Variants in RPTOR observed in about 807,000 individuals in gnomAD.
The protein encoded by RPTOR is regulatory-associated protein of mTOR.
A neutral mutation model predicts 169.9 loss-of-function variants in RPTOR; 21 were observed. The ratio of observed to expected loss-of-function variants is 0.12; its 90% CI spans 0.09 to 0.18. RPTOR has a LOEUF of 0.18. Ranked by LOEUF, RPTOR falls within the 10% of genes least tolerant of loss-of-function variation. The pLI is 1.00. For synonymous variants in RPTOR, 732 were observed against 753.2 expected (o/e 0.97, Z 0.46); for missense variants, 1,133 against 1,855.9 (o/e 0.61, Z 7.16).
rs973632785 is a variant in RPTOR at position 80,844,276 on chromosome 17, T to C, written c.1213-2197T>C. 6.6e-6 allele frequency among the ~76,000 whole-genome samples: 1 copy of C among 152,188 alleles called. No individual in the cohort carries two copies. The highest frequency in any genetic ancestry group is 6.5e-5 in the Admixed American group (1 of 15,288). ...TCACCGCGCACCTGCCAGGCAAAGG[T>C]GTGCTTTTCCTTTTTTGTCAGTTTG... On this transcript the variant is annotated intron_variant, in intron 10 of 33. Transcript: ENST00000306801. The surrounding 1 kb of genome is among the most constrained non-coding windows in gnomAD (Gnocchi z 4.7).
chr17:80,844,624 C>T lies in RPTOR; in HGVS notation c.1213-1849C>T, dbSNP rs1460111604. Among the ~76,000 whole-genome samples, 1 of 152,240 alleles carries T rather than the reference C, an allele frequency of 6.6e-6. No homozygotes were observed. Among genetic ancestry groups the T allele is most frequent in the Non-Finnish European group, 1.5e-5 (1 of 68,040 alleles). On this transcript the variant is annotated intron_variant, in intron 10 of 33. Coordinates refer to ENST00000306801, the MANE Select transcript of RPTOR (RefSeq NM_020761.3). This position sits in a 1 kb window ranked among gnomAD's most constrained non-coding sequence, Gnocchi z 4.7. ...CCAAGTGTGATTAACTTTCTGTAAG[C>T]TGGCTGCACAGGAGCACGGATTCCT... is the stretch of plus-strand genomic sequence containing the variant.
At chr17:80,904,091 G>A (rs8080103) in intron 20 of RPTOR, among the ~76,000 whole-genome samples, 1 of 152,246 alleles carries the variant, frequency 6.6e-6, no homozygotes. Flanking sequence ...CCCGGGAGGT[G>A]CTGCGTCTTC....
rs745993586 is a variant in RPTOR at position 80,937,057 on chromosome 17, TTTG to T, written c.2920-3435_2920-3433del. On this transcript the variant is annotated intron_variant, in intron 24 of 33. Coordinates refer to ENST00000306801, the MANE Select transcript of RPTOR (RefSeq NM_020761.3). ...TTATTGTTCAGTGGGGAGGGGATAG[TTTG>T]TTGCTAAACCGTGGGGAAAATAATA... is the stretch of plus-strand genomic sequence containing the variant. Among the ~76,000 whole-genome samples the T allele has an allele frequency of 1.8e-4, 27 of 152,302 alleles. 1 individual carries two copies. In the East Asian group the frequency reaches 3.3e-3, roughly 19 times the overall value.
intron 6 of RPTOR, among the ~76,000 whole-genome samples, chr17:80,763,203 G>A (rs565840774): frequency 5.9e-4 from 89 of 152,118 alleles, no homozygotes; most frequent in Middle Eastern, 3.4e-3. Context: ...CTGTGATTGT[G>A]CCACTGCACT....
At chr17:80,567,007 A>G (rs55889284) in intron 1 of RPTOR, among the ~76,000 whole-genome samples, 2 of 151,434 alleles carry the variant, frequency 1.3e-5, no homozygotes, top group South Asian at 2.1e-4. Context: ...GTCTCACTCC[A>G]TCACCCAGGC....
At position 80,713,705 on chromosome 17, in the gene RPTOR, T is replaced by C. The variant is rs2066216139; in HGVS notation, c.507+5706T>C. ...ATAGACTGCAAGATGAGGAGTATTA[T>C]TGATGATAAAGAGGGCCATTTCCTC... On this transcript the variant is annotated intron_variant, in intron 4 of 33. Transcript: ENST00000306801. 2.0e-5 allele frequency among the ~76,000 whole-genome samples: 3 copies of C among 152,176 alleles called. No individual in the cohort carries two copies. The South Asian group carries it at 6.2e-4, about 32-fold the overall frequency.
In RPTOR at chr17:80,623,577, C is replaced by T. The variant is rs56246235; in HGVS notation, c.163-2114C>T. Among the ~76,000 whole-genome samples, 365 of 151,830 alleles carry T rather than the reference C, an allele frequency of 2.4e-3. 1 individual carries two copies. The highest frequency in any genetic ancestry group is 4.1e-3 in the Non-Finnish European group (277 of 67,944). On this transcript the variant is annotated intron_variant, in intron 1 of 33. Coordinates refer to ENST00000306801, the MANE Select transcript of RPTOR (RefSeq NM_020761.3). ...TTGAGATGGAGTCTTGCTCTATTGC[C>T]CAGGTTGGAGTGCAGTGGTACCGTC...
chr17:80,625,389 G>A lies in RPTOR; in HGVS notation c.163-302G>A, dbSNP rs114762802. On this transcript the variant is annotated intron_variant, in intron 1 of 33. Coordinates refer to ENST00000306801, the MANE Select transcript of RPTOR (RefSeq NM_020761.3). ...CAGAATGTATTGAGTGCGTTAAAAT[G>A]TTTATATCTTTTGATCAAATAATTC... 2.8e-3 allele frequency among the ~76,000 whole-genome samples: 426 copies of A among 152,320 alleles called. 1 individual carries two copies. Among genetic ancestry groups the A allele is most frequent in the African/African-American group, 1.0e-2 (415 of 41,578 alleles).
intron 6 of RPTOR, among the ~76,000 whole-genome samples, chr17:80,786,489 G>C (rs932918093): frequency 1.3e-4 from 20 of 152,240 alleles, no homozygotes; most frequent in African/African-American, 4.8e-4. Flanking sequence ...GAATACAACA[G>C]AGTTTAATTG....
Position 80,866,592 on chromosome 17 carries a change from A to G in RPTOR, c.1509+8692A>G, listed in dbSNP as rs1025197024. ...GAAGACACAAATTCCAGCATCAGGA[A>G]TGATAGAGGTGACATCATGAAAGAT... On this transcript the variant is annotated intron_variant, in intron 13 of 33. Transcript: ENST00000306801. Among the ~76,000 whole-genome samples the G allele has an allele frequency of 7.2e-5, 11 of 152,264 alleles. No homozygotes were observed. In the South Asian group the frequency reaches 2.1e-3, roughly 29 times the overall value.
Position 80,707,971 on chromosome 17 carries a change from TC to T in RPTOR, c.480del (p.Asn161ThrfsTer41). The stretch of plus-strand genomic sequence containing the variant: ...GGCCACGGGGTGCCCCGGCCCACAG[TC>T]AACGGGGAGGTCTGGGTCTTCAACA... ...YNGHGVPRPT[V>X]NGEVWVFNKN... On this transcript the variant is annotated frameshift_variant, in exon 4 of 34. Coordinates refer to ENST00000306801, the MANE Select transcript of RPTOR (RefSeq NM_020761.3). LOFTEE classifies it high-confidence loss of function. This position sits in a 1 kb window ranked among gnomAD's most constrained non-coding sequence, Gnocchi z 5.0. The T allele has an allele frequency of 6.2e-7, 1 of 1,613,538 alleles. No individual in the cohort carries two copies.
Position 80,966,050 on chromosome 17 carries a change from G to T in RPTOR, c.*1720G>T, listed in dbSNP as rs377566201. 8.6e-6 allele frequency: 2 copies of T among 232,794 alleles called. No individual in the cohort carries two copies. Among genetic ancestry groups the T allele is most frequent in the Middle Eastern group, 1.3e-3 (1 of 784 alleles). 14.4% of individuals were successfully genotyped at this position (232,794 alleles called of 1,614,324 possible). A position where few individuals can be genotyped will look rare whatever the true frequency, so the allele number is the denominator to read the frequency against. On this transcript the variant is annotated 3_prime_UTR_variant, in exon 34 of 34. Coordinates refer to ENST00000306801, the MANE Select transcript of RPTOR (RefSeq NM_020761.3). ...CTTCAACTCAATTCTTACCCAACAC[G>T]CGTTTCTGTTTGTTTTGAGACAAAA...
chr17:80,768,339 G>T (rs1055623936), intron 6 of RPTOR, among the ~76,000 whole-genome samples: 4 of 152,328 alleles, frequency 2.6e-5, no homozygotes, highest in Non-Finnish European at 5.9e-5. Flanking sequence ...GAGTCCCAAA[G>T]ACTTTTGTGA....
intron 4 of RPTOR, among the ~76,000 whole-genome samples, chr17:80,723,808 G>A (rs1276818925): frequency 6.6e-6 from 1 of 151,418 alleles, no homozygotes; most frequent in Non-Finnish European, 1.5e-5. Context: ...TGACTAAACA[G>A]GAGGTAAGGG....
chr17:80,907,854 G>T (rs1463371006), intron 20 of RPTOR, among the ~76,000 whole-genome samples: 1 of 152,068 alleles, frequency 6.6e-6, no homozygotes, highest in Admixed American at 6.6e-5. Context: ...CAGCTCCTTC[G>T]TGCCTCTTCC....
chr17:80,865,585 T>A (rs560365369), intron 13 of RPTOR, among the ~76,000 whole-genome samples: 62 of 152,114 alleles, frequency 4.1e-4, no homozygotes, highest in Non-Finnish European at 7.2e-4. Flanking sequence ...GGAAGTCCAT[T>A]CATCATTCAT....
intron 15 of RPTOR, 78 bp from the exon 16 acceptor site, chr17:80,883,703 G>A (rs949134202): frequency 2.5e-5 from 37 of 1,491,312 alleles, no homozygotes; most frequent in Admixed American, 6.8e-5. Flanking sequence ...GGTGGCCACC[G>A]TTGTCCCGTG....
Position 80,665,110 on chromosome 17 carries a change from T to C in RPTOR, c.348+21300T>C, listed in dbSNP as rs967298725. 9.2e-5 allele frequency among the ~76,000 whole-genome samples: 14 copies of C among 152,126 alleles called. No individual in the cohort carries two copies. The East Asian group carries it at 2.7e-3, about 29-fold the overall frequency. On this transcript the variant is annotated intron_variant, in intron 3 of 33. Transcript: ENST00000306801. The stretch of plus-strand genomic sequence containing the variant: ...GGGCAAGGACTTTACCTGTTTTTGC[T>C]GTTGTCAACCGAGGGTGCGGTGGCT...
intron 1 of RPTOR, among the ~76,000 whole-genome samples, chr17:80,571,721 G>A (rs900669546): frequency 3.3e-5 from 5 of 152,038 alleles, no homozygotes; most frequent in Admixed American, 6.6e-5. Context: ...GGGCTTCACC[G>A]TGTTGTCCAG....
Sources: allele counts gnomAD v4.1 joint callset (sites outside exome capture counted in the v4.1 genomes callset), GRCh38; gene constraint gnomAD v4.1.1; non-coding constraint Gnocchi (gnomAD v3.1); transcripts MANE v1.5; gene names NCBI Gene and HGNC (gene_info 2026-07-23, HGNC 2026-07-21).